LDB2: variants seen among roughly 807,000 people sequenced by gnomAD.
LDB2 encodes LIM domain binding 2, also known as LIM domain-binding protein 2.
A neutral mutation model predicts 44.3 loss-of-function variants in LDB2; 12 were observed. The observed-to-expected ratio is 0.27, with a 90% confidence interval of 0.17 to 0.44. LDB2 has a LOEUF of 0.44. Ranked by LOEUF, LDB2 falls within the 20% of genes least tolerant of loss-of-function variation. LDB2 has a pLI of 1.00. For synonymous variants in LDB2, 164 were observed against 174.8 expected, an observed-to-expected ratio of 0.94 and a Z score of 0.49; for missense variants, 344 against 473.5, an observed-to-expected ratio of 0.73 and a Z score of 2.54.
chr4:16,738,471 A>G (rs776639659), intron 2 of LDB2, among the ~76,000 whole-genome samples: 1 of 152,250 alleles, frequency 6.6e-6, no homozygotes, highest in African/African-American at 2.4e-5. Flanking sequence ...TTATTTTTCT[A>G]TAGCCTTCAC....
intron 5 of LDB2, among the ~76,000 whole-genome samples, chr4:16,568,097 C>G (rs1745190620): frequency 6.6e-6 from 1 of 152,050 alleles, no homozygotes; most frequent in Non-Finnish European, 1.5e-5. Flanking sequence ...CAATCTTTGA[C>G]CTGAAAAAAA....
At chr4:16,658,560 A>T (rs1373200702) in intron 2 of LDB2, among the ~76,000 whole-genome samples, 1 of 152,056 alleles carries the variant, frequency 6.6e-6, no homozygotes, top group East Asian at 1.9e-4. Context: ...TTTTTCCTAA[A>T]GCCTGAAATT....
chr4:16,597,359 T>C (rs185300518), intron 2 of LDB2, among the ~76,000 whole-genome samples: 26 of 152,302 alleles, frequency 1.7e-4, no homozygotes, highest in Admixed American at 3.3e-4. Flanking sequence ...TCTACATACA[T>C]TTTCTTAATA....
intron 1 of LDB2, among the ~76,000 whole-genome samples, chr4:16,781,676 C>T (rs559637800): frequency 6.6e-6 from 1 of 152,214 alleles, no homozygotes; most frequent in South Asian, 2.1e-4. Flanking sequence ...AAGGTGTAGC[C>T]AACTGTGCTC....
intron 1 of LDB2, among the ~76,000 whole-genome samples, chr4:16,813,369 T>C (rs952852962): frequency 2.0e-5 from 3 of 152,184 alleles, no homozygotes; most frequent in African/African-American, 7.2e-5. Context: ...GAGTAGGACA[T>C]AGAAGAAGTC....
intron 2 of LDB2, among the ~76,000 whole-genome samples, chr4:16,742,349 C>T (rs940965416): frequency 5.3e-5 from 8 of 152,110 alleles, no homozygotes; most frequent in African/African-American, 1.4e-4. Context: ...GGATTACAGG[C>T]CTTAGCCACC....
intron 2 of LDB2, among the ~76,000 whole-genome samples, chr4:16,705,185 C>T (rs1754342743): frequency 1.3e-5 from 2 of 152,150 alleles, no homozygotes; most frequent in African/African-American, 4.8e-5. Context: ...AGTCGTGTGC[C>T]CTTCCTACTT....
At position 16,542,107 on chromosome 4, in the gene LDB2, G is replaced by T. The variant is rs1367949816; in HGVS notation, c.616-30003C>A. Among the ~76,000 whole-genome samples, 3 of 144,684 alleles carry T rather than the reference G, an allele frequency of 2.1e-5. No homozygotes were observed. The East Asian group carries it at 1.1e-3, about 51-fold the overall frequency. The allele number at this position is 144,684 out of a possible 152,430, so 94.9% of individuals were successfully genotyped here. ...TTCCAATTACATCAGGTGGTGGGGG[G>T]GGGGGCGCGAGCAGGAGGGCATAAG... On this transcript the variant is annotated intron_variant, in intron 5 of 7. Coordinates refer to ENST00000304523, the MANE Select transcript of LDB2 (RefSeq NM_001290.5).
intron 2 of LDB2, among the ~76,000 whole-genome samples, chr4:16,715,559 G>A (rs1756898724): frequency 6.6e-6 from 1 of 152,174 alleles, no homozygotes; most frequent in Non-Finnish European, 1.5e-5. Flanking sequence ...TCAGAGATAT[G>A]AAACAAGACT....
chr4:16,516,967 T>C (rs758923789), intron 5 of LDB2, among the ~76,000 whole-genome samples: 5 of 152,222 alleles, frequency 3.3e-5, no homozygotes, highest in African/African-American at 4.8e-5. Flanking sequence ...ATGGCTTTGC[T>C]GGGCTCTGTG....
intron 1 of LDB2, among the ~76,000 whole-genome samples, chr4:16,890,464 A>C (rs1224292851): frequency 6.6e-6 from 1 of 152,180 alleles, no homozygotes; most frequent in East Asian, 1.9e-4. Context: ...GGTCTGCCAA[A>C]TCCTTAACGC....
chr4:16,815,680 T>G (rs1780761365), intron 1 of LDB2, among the ~76,000 whole-genome samples: 1 of 152,170 alleles, frequency 6.6e-6, no homozygotes, highest in Non-Finnish European at 1.5e-5. Flanking sequence ...AGAATCCCTT[T>G]AAGAAGCTCT....
At chr4:16,882,961 T>C (rs1720580427) in intron 1 of LDB2, among the ~76,000 whole-genome samples, 2 of 152,226 alleles carry the variant, frequency 1.3e-5, no homozygotes, top group South Asian at 4.1e-4. Context: ...GGGCACCCAC[T>C]GAACTCATAA....
At chr4:16,631,776 T>C (rs571971971) in intron 2 of LDB2, among the ~76,000 whole-genome samples, 23 of 152,176 alleles carry the variant, frequency 1.5e-4, no homozygotes, top group Middle Eastern at 3.4e-3. Context: ...CCCACAGAAA[T>C]ACAAACTACC....
intron 5 of LDB2, among the ~76,000 whole-genome samples, chr4:16,583,394 T>C (rs1370232228): frequency 6.6e-6 from 1 of 152,182 alleles, no homozygotes; most frequent in Non-Finnish European, 1.5e-5. Context: ...GACCTCTTTT[T>C]CTGATACTGG....
chr4:16,692,747 AC>A (rs1751102512), intron 2 of LDB2, among the ~76,000 whole-genome samples: 1 of 152,060 alleles, frequency 6.6e-6, no homozygotes, highest in Non-Finnish European at 1.5e-5. Flanking sequence ...AGTCTCAGAA[AC>A]CATTCGCAGT....
chr4:16,840,803 T>C (rs1243019653), intron 1 of LDB2, among the ~76,000 whole-genome samples: 1 of 152,214 alleles, frequency 6.6e-6, no homozygotes, highest in Non-Finnish European at 1.5e-5. Flanking sequence ...GCTCTCAATA[T>C]GATATATTGC....
chr4:16,883,975 C>T (rs755232393), intron 1 of LDB2, among the ~76,000 whole-genome samples: 1 of 152,122 alleles, frequency 6.6e-6, no homozygotes, highest in Non-Finnish European at 1.5e-5. Flanking sequence ...GCTCAGTCAG[C>T]CAGTAAGTGT....
At chr4:16,755,372 A>G (rs971493637) in intron 2 of LDB2, among the ~76,000 whole-genome samples, 6 of 152,084 alleles carry the variant, frequency 3.9e-5, no homozygotes, top group Non-Finnish European at 7.4e-5. Flanking sequence ...GTTTCAGATA[A>G]AGGACAGTAA....
Sources: allele counts gnomAD v4.1 joint callset (sites outside exome capture counted in the v4.1 genomes callset), GRCh38; gene constraint gnomAD v4.1.1; transcripts MANE v1.5; gene names NCBI Gene and HGNC (gene_info 2026-07-23, HGNC 2026-07-21).